The following AP3B1 variants were observed in gnomAD, a reference collection of about 807,000 sequenced individuals.
The protein encoded by AP3B1 is adaptor related protein complex 3 subunit beta 1.
In AP3B1, 61 loss-of-function variants were observed where a neutral mutation model predicts 132.5. The observed-to-expected ratio is 0.46, with a 90% CI of 0.37 to 0.57. The LOEUF is 0.57. AP3B1 is among the 20% of genes least tolerant of loss of function. The pLI, the probability that AP3B1 is intolerant of heterozygous loss-of-function variation, is 0.00. For synonymous variants in AP3B1, 388 were observed against 438.3 expected (o/e 0.89, Z 1.43); for missense variants, 1,120 against 1,289.4 (o/e 0.87, Z 2.01).
At chr5:78,043,917 G>T in intron 22 of AP3B1, 3 of 350,450 alleles carry the variant, frequency 8.6e-6, no homozygotes, top group South Asian at 5.5e-5. Flanking sequence ...GGTTGGGGAT[G>T]ATGTTAACTT....
intron 7 of AP3B1, among the ~76,000 whole-genome samples, chr5:78,206,783 T>C (rs1745522176): frequency 6.6e-6 from 1 of 151,920 alleles, no homozygotes; most frequent in Non-Finnish European, 1.5e-5. Context: ...GAAAATCAAA[T>C]TACTGACAAT....
Position 78,113,817 on chromosome 5 carries a change from A to G in AP3B1, c.2184T>C (p.Ser728=). 2 of 1,613,876 alleles carry G rather than the reference A, an allele frequency of 1.2e-6. No homozygotes were observed. The highest frequency in any genetic ancestry group is 1.1e-5 in the South Asian group (1 of 91,070). Reference sequence around the variant, plus strand: ...TGTTTTCTAGGCCTGACTCCCGTCCACTCTCACTGTCCTGCTCACTGGAGG... The same window carrying G: ...TGTTTTCTAGGCCTGACTCCCGTCCGCTCTCACTGTCCTGCTCACTGGAGG... ...EDSSSEQDSE[S]GRESGLENKR... is the part of the protein sequence containing the mutation. The change falls in exon 19 of 27, where the codon AGT becomes AGC. Residue 728 remains serine, a synonymous_variant. Transcript: ENST00000255194.
chr5:78,228,500 A>G (rs1746493403), intron 3 of AP3B1, among the ~76,000 whole-genome samples: 1 of 152,230 alleles, frequency 6.6e-6, no homozygotes, highest in Non-Finnish European at 1.5e-5. Context: ...AAAATCCCTG[A>G]GCAGATCTCA....
intron 26 of AP3B1, among the ~76,000 whole-genome samples, chr5:78,009,164 G>C (rs1746510323): frequency 6.6e-6 from 1 of 151,830 alleles, no homozygotes; most frequent in Non-Finnish European, 1.5e-5. Context: ...CCTAGATATG[G>C]AACAAGTTGG....
intron 15 of AP3B1, among the ~76,000 whole-genome samples, chr5:78,138,969 CAAAA>C (rs34427836): frequency 5.1e-5 from 2 of 39,470 alleles, no homozygotes; most frequent in East Asian, 1.8e-3. Context: ...AACTCTGTCT[CAAAA>C]AAAAAAAAAA....
chr5:78,275,585 C>CG (rs1415709253), intron 1 of AP3B1, among the ~76,000 whole-genome samples: 2 of 152,144 alleles, frequency 1.3e-5, no homozygotes, highest in Non-Finnish European at 2.9e-5. Flanking sequence ...AAGCAATTTC[C>CG]CTGCCTCAGC....
intron 17 of AP3B1, among the ~76,000 whole-genome samples, chr5:78,121,219 T>C (rs1184267670): frequency 6.6e-6 from 1 of 151,860 alleles, no homozygotes; most frequent in African/African-American, 2.4e-5. Flanking sequence ...TTTATAGCAC[T>C]GAATGCCCAC....
Position 78,177,534 on chromosome 5 carries a change from A to G in AP3B1, c.943-98T>C, listed in dbSNP as rs1744197830. 3 of 913,186 alleles carry G rather than the reference A, an allele frequency of 3.3e-6. No individual in the cohort carries two copies. In the East Asian group the frequency reaches 7.6e-5, roughly 23 times the overall value. 56.6% of individuals were successfully genotyped at this position (913,186 alleles called of 1,614,324 possible). A position where few individuals can be genotyped will look rare whatever the true frequency, so the allele number is the denominator to read the frequency against. On this transcript the variant is annotated intron_variant, in intron 8 of 26. Coordinates refer to ENST00000255194, the MANE Select transcript of AP3B1 (RefSeq NM_003664.5). ...CACATTATTTCCTCTAAGTCCTACA[A>G]ATTCCTGTGACGTAAAATGGAATGT... is the stretch of plus-strand genomic sequence containing the variant.
chr5:78,278,390 G>C (rs1365300345), intron 1 of AP3B1, among the ~76,000 whole-genome samples: 1 of 139,460 alleles, frequency 7.2e-6, no homozygotes, highest in Non-Finnish European at 1.6e-5. Flanking sequence ...ACGAGGTCAG[G>C]AGATCGAGAC....
intron 2 of AP3B1, among the ~76,000 whole-genome samples, chr5:78,253,930 C>T (rs1029050920): frequency 6.7e-6 from 1 of 148,694 alleles, no homozygotes; most frequent in African/African-American, 2.5e-5. Context: ...TGCACTCCAG[C>T]CTGGGCGACA....
rs34203981 is a variant in AP3B1 at position 78,072,712 on chromosome 5, C to CTTTTTTTTT, written c.2577+16672_2577+16680dup. On this transcript the variant is annotated intron_variant, in intron 22 of 26. Transcript: ENST00000255194. ...TGAGTAACAATGTGTCTGATATATT[C>CTTTTTTTTT]TTTTTTTTTTTTTTTTTTTTTTTTT... is the stretch of plus-strand genomic sequence containing the variant. Among the ~76,000 whole-genome samples the CTTTTTTTTT allele has an allele frequency of 1.2e-4, 8 of 68,286 alleles. 1 individual carries two copies. The highest frequency in any genetic ancestry group is 1.3e-4 in the African/African-American group (2 of 15,880). The allele number at this position is 68,286 out of a possible 152,430, so 44.8% of individuals were successfully genotyped here. A position where few individuals can be genotyped will look rare whatever the true frequency, so the allele number is the denominator to read the frequency against.
intron 21 of AP3B1, among the ~76,000 whole-genome samples, chr5:78,096,829 G>A (rs577605503): frequency 4.0e-5 from 6 of 151,210 alleles, no homozygotes; most frequent in Admixed American, 2.6e-4. Context: ...CGCCCCGTCC[G>A]GGAGGGAGGG....
intron 19 of AP3B1, among the ~76,000 whole-genome samples, chr5:78,111,067 A>G (rs966153857): frequency 2.6e-5 from 4 of 152,108 alleles, no homozygotes; most frequent in African/African-American, 9.7e-5. Flanking sequence ...TTAGTAATAT[A>G]TTTAAATATT....
chr5:78,070,410 A>G (rs1392382333), intron 22 of AP3B1, among the ~76,000 whole-genome samples: 1 of 7,250 alleles, frequency 1.4e-4, no homozygotes, highest in African/African-American at 3.8e-3. Context: ...CCATCTCAAG[A>G]AAAAAAAAAA....
At chr5:78,244,652 G>A (rs1747295214) in intron 2 of AP3B1, among the ~76,000 whole-genome samples, 1 of 152,100 alleles carries the variant, frequency 6.6e-6, no homozygotes, top group Admixed American at 6.6e-5. Flanking sequence ...CTACAGGAGG[G>A]CATACAGACA....
intron 14 of AP3B1, among the ~76,000 whole-genome samples, chr5:78,144,832 G>A (rs1196963860): frequency 1.3e-5 from 2 of 149,156 alleles, no homozygotes; most frequent in Non-Finnish European, 3.0e-5. Context: ...GGGTTGTTTT[G>A]TTGTTGTTGT....
intron 1 of AP3B1, among the ~76,000 whole-genome samples, chr5:78,282,675 C>A (rs1749109121): frequency 6.6e-6 from 1 of 151,990 alleles, no homozygotes; most frequent in African/African-American, 2.4e-5. Flanking sequence ...TTAAAATTAA[C>A]AATAATTCTA....
rs1561469382 is a variant in AP3B1, at chr5:78,193,740, T to TATATATATATATCTA, written c.787-12079_787-12078insTAGATATATATATAT. Among the ~76,000 whole-genome samples the TATATATATATATCTA allele has an allele frequency of 1.9e-3, 81 of 41,638 alleles. 1 individual carries two copies. The highest frequency in any genetic ancestry group is 3.4e-3 in the Non-Finnish European group (58 of 17,150). 27.3% of individuals were successfully genotyped at this position (41,638 alleles called of 152,430 possible). ...CATATTTTTAAATATTTGTATATAT[T>TATATATATATATCTA]TTTTTATATATATATATATATATAT... is the stretch of plus-strand genomic sequence containing the variant. On this transcript the variant is annotated intron_variant, in intron 7 of 26. Coordinates refer to ENST00000255194, the MANE Select transcript of AP3B1 (RefSeq NM_003664.5).
intron 22 of AP3B1, chr5:78,043,980 A>T: frequency 6.6e-6 from 2 of 301,076 alleles, no homozygotes; most frequent in Non-Finnish European, 1.3e-5. Context: ...TCTTACAGGA[A>T]ATCTTGTCCA....
Sources: allele counts gnomAD v4.1 joint callset (sites outside exome capture counted in the v4.1 genomes callset), GRCh38; gene constraint gnomAD v4.1.1; transcripts MANE v1.5; gene names NCBI Gene and HGNC (gene_info 2026-07-23, HGNC 2026-07-21).